The following EPHA8 variants were observed in gnomAD, a reference collection of about 807,000 sequenced individuals.
EPHA8 encodes EPH receptor A8.
EPHA8 carries 58 observed loss-of-function variants against 103.6 expected under a neutral mutation model. The ratio of observed to expected loss-of-function variants is 0.56; its 90% confidence interval spans 0.45 to 0.70. The LOEUF is 0.70. EPHA8 is among the 30% of genes least tolerant of loss of function. The probability of loss-of-function intolerance (pLI) is 0.00; values close to 1 mark genes in which losing one functional copy is unlikely to be tolerated. For missense variants in EPHA8, 1,304 were observed against 1,395.2 expected, an observed-to-expected ratio of 0.93 and a Z score of 1.04; for synonymous variants, 559 against 572.5, an observed-to-expected ratio of 0.98 and a Z score of 0.34.
chr1:22,593,568 C>G lies in EPHA8; in HGVS notation c.1485C>G (p.Thr495=). The change falls in exon 7 of 17, where the codon ACC becomes ACG. Residue 495 remains threonine (T), a synonymous_variant. Transcript: ENST00000166244. ...ACTCCACCCTCAAGGCCGTCACCACCAGAGCCACCGTCTCCGGCCTCAAGC... is the reference window on the plus strand; with the variant it reads ...ACTCCACCCTCAAGGCCGTCACCACGAGAGCCACCGTCTCCGGCCTCAAGC... The part of the protein sequence containing the change: ...QSYSTLKAVT[T]RATVSGLKPG... 6.2e-7 allele frequency: 1 copy of G among 1,612,520 alleles called. No individual in the cohort carries two copies. Among genetic ancestry groups the G allele is most frequent in the South Asian group, 1.1e-5 (1 of 90,978 alleles).
chr1:22,599,646 GGAAGGAAGGA>G (rs1165742218), intron 13 of EPHA8, among the ~76,000 whole-genome samples: 30 of 63,754 alleles, frequency 4.7e-4, no homozygotes, highest in Non-Finnish European at 6.8e-4. Flanking sequence ...AGGGAGGGAG[GGAAGGAAGGA>G]AAGGAGGGAG....
At chr1:22,579,403 C>T (rs1484032645) in intron 3 of EPHA8, among the ~76,000 whole-genome samples, 1 of 147,032 alleles carries the variant, frequency 6.8e-6, no homozygotes, top group Admixed American at 6.7e-5. Flanking sequence ...TGCATGTGTT[C>T]ATGAGTGTAT....
intron 3 of EPHA8, among the ~76,000 whole-genome samples, chr1:22,585,942 G>A (rs1641191106): frequency 1.3e-5 from 2 of 152,228 alleles, no homozygotes; most frequent in South Asian, 4.1e-4. Flanking sequence ...GCCTGTGTTT[G>A]GGAGCAATGG....
chr1:22,586,783 G>GGC (rs1553147213), intron 4 of EPHA8, 148 bp downstream of exon 4: 6 of 1,016,272 alleles, frequency 5.9e-6, no homozygotes, highest in Non-Finnish European at 8.5e-6. Flanking sequence ...TCTGAGGTGG[G>GGC]GGGGGTGACT....
At chr1:22,595,600 C>T (rs1294456764) in intron 8 of EPHA8, among the ~76,000 whole-genome samples, 1 of 152,192 alleles carries the variant, frequency 6.6e-6, no homozygotes, top group African/African-American at 2.4e-5. Context: ...CTGTCAAACT[C>T]AAGCCCATAC....
rs146856523 is a variant in EPHA8 at position 22,600,995 on chromosome 1, G to A, written c.2636G>A (p.Arg879Gln). The A allele has an allele frequency of 7.7e-4, 1,240 of 1,612,904 alleles. 25 individuals are homozygous for A. In the South Asian group the frequency reaches 0.011, roughly 14 times the overall value. Residue 879 changes from arginine to glutamine, a missense_variant, in exon 15 of 17, where the codon CGG becomes CAG. Physicochemically the swap from Arg to Gln is conservative, Grantham distance 43 (BLOSUM62 1). Coordinates refer to ENST00000166244, the MANE Select transcript of EPHA8 (RefSeq NM_020526.5). Reference protein sequence around the residue: ...QLMLDCWHKDRAQRPRFSQIV... With the variant: ...QLMLDCWHKDQAQRPRFSQIV... ...ATGCTCGACTGTTGGCACAAGGACC[G>A]GGCGCAGCGGCCTCGCTTCTCCCAG...
intron 13 of EPHA8, 109 bp downstream of exon 13, chr1:22,599,156 G>A (rs1048292546): frequency 8.0e-7 from 1 of 1,243,758 alleles, no homozygotes; most frequent in African/African-American, 1.5e-5. Flanking sequence ...GGCAGTTTCG[G>A]GGTGGCCCTC....
At chr1:22,600,860 A>G (rs768849200) in intron 14 of EPHA8, 38 bp from the exon 15 acceptor site, 22 of 1,589,098 alleles carry the variant, frequency 1.4e-5, no homozygotes, top group Non-Finnish European at 1.8e-5. Context: ...CTCAGGGTGC[A>G]GGGAGGGACG....
intron 1 of EPHA8, among the ~76,000 whole-genome samples, chr1:22,564,176 G>T (rs1350969512): frequency 6.7e-6 from 1 of 150,154 alleles, no homozygotes; most frequent in Non-Finnish European, 1.5e-5. Context: ...GGGGGAGGAG[G>T]TTCAGAGGGC....
chr1:22,590,851 AAAAC>A (rs1291860185), intron 5 of EPHA8, among the ~76,000 whole-genome samples: 1 of 152,128 alleles, frequency 6.6e-6, no homozygotes, highest in East Asian at 1.9e-4. Context: ...GGTTATGTGA[AAAAC>A]AAACAACCCT....
At chr1:22,578,076 T>C (rs930285418) in intron 3 of EPHA8, among the ~76,000 whole-genome samples, 2 of 29,182 alleles carry the variant, frequency 6.9e-5, no homozygotes, top group Non-Finnish European at 1.7e-4. Flanking sequence ...TGAGTATGTA[T>C]GCATGTGTGT....
rs1246509517 is a variant in EPHA8, at chr1:22,599,865, A to AAGGGAAGGAAGGAAGG, written c.2389-787_2389-786insAGGAAGGAGGGAAGGA. On this transcript the variant is annotated intron_variant, in intron 13 of 16. Transcript: ENST00000166244. ...AGGAGAGGAGGGGAGGGAAGGGAGG[A>AAGGGAAGGAAGGAAGG]AGGGAAGGAGGGAGGGAGTGGGGGA... 5.0e-3 allele frequency among the ~76,000 whole-genome samples: 273 copies of AAGGGAAGGAAGGAAGG among 54,124 alleles called. 11 individuals carry two copies. The highest frequency in any genetic ancestry group is 0.024 in the African/African-American group (249 of 10,254). 35.5% of individuals were successfully genotyped at this position (54,124 alleles called of 152,430 possible).
Position 22,589,342 on chromosome 1 carries a change from A to G in EPHA8, c.1315+136A>G, listed in dbSNP as rs1379680023. 3.1e-6 allele frequency: 5 copies of G among 1,598,886 alleles called. No individual in the cohort carries two copies. The African/African-American group carries it at 5.4e-5, about 17-fold the overall frequency. ...GTGCCTCTCTGGCCCTGCGCTCCTCACCAGGACCCAGAGCTGGAGGCTCTT... is the reference window on the plus strand; with the variant it reads ...GTGCCTCTCTGGCCCTGCGCTCCTCGCCAGGACCCAGAGCTGGAGGCTCTT... On this transcript the variant is annotated intron_variant, in intron 5 of 16. Coordinates refer to ENST00000166244, the MANE Select transcript of EPHA8 (RefSeq NM_020526.5). The surrounding 1 kb of genome is among the most constrained non-coding windows in gnomAD (Gnocchi z 4.3).
At chr1:22,570,509 A>T (rs1434203296) in intron 2 of EPHA8, among the ~76,000 whole-genome samples, 1 of 152,252 alleles carries the variant, frequency 6.6e-6, no homozygotes, top group Non-Finnish European at 1.5e-5. Flanking sequence ...AATAATATTA[A>T]TAATGATGAT....
intron 13 of EPHA8, among the ~76,000 whole-genome samples, chr1:22,599,616 AGGAAGAAG>A (rs1481891095): frequency 1.3e-4 from 15 of 115,120 alleles, no homozygotes; most frequent in African/African-American, 5.6e-4. Context: ...GGAGGGAGGG[AGGAAGAAG>A]GGAAGGAAGG....
At chr1:22,590,936 G>A (rs557867614) in intron 5 of EPHA8, among the ~76,000 whole-genome samples, 23 of 152,090 alleles carry the variant, frequency 1.5e-4, no homozygotes, top group Non-Finnish European at 2.8e-4. Flanking sequence ...TGACTCTCAT[G>A]CATGTCACAT....
intron 1 of EPHA8, among the ~76,000 whole-genome samples, chr1:22,566,836 G>A (rs911668860): frequency 2.0e-5 from 3 of 152,088 alleles, no homozygotes; most frequent in African/African-American, 4.8e-5. Context: ...GACACTCTGC[G>A]TTCTCACCCA....
At position 22,584,016 on chromosome 1, in the gene EPHA8, A is replaced by G. The variant is rs866592220; in HGVS notation, c.824-2464A>G. ...AGCTCAGTAAATGTTGGGGAAAGGA[A>G]TAAATGAGGGAGGGAAGAAGCAAAT... On this transcript the variant is annotated intron_variant, in intron 3 of 16. Coordinates refer to ENST00000166244, the MANE Select transcript of EPHA8 (RefSeq NM_020526.5). 4.6e-5 allele frequency among the ~76,000 whole-genome samples: 7 copies of G among 152,384 alleles called. No individual in the cohort carries two copies. The South Asian group carries it at 8.3e-4, about 18-fold the overall frequency.
At chr1:22,574,696 A>G (rs1640635355) in intron 2 of EPHA8, among the ~76,000 whole-genome samples, 1 of 152,264 alleles carries the variant, frequency 6.6e-6, no homozygotes, top group Non-Finnish European at 1.5e-5. Flanking sequence ...TCATTGACGT[A>G]CACTTGGGTT....
Sources: allele counts gnomAD v4.1 joint callset (sites outside exome capture counted in the v4.1 genomes callset), GRCh38; gene constraint gnomAD v4.1.1; non-coding constraint Gnocchi (gnomAD v3.1); transcripts MANE v1.5; gene names NCBI Gene and HGNC (gene_info 2026-07-23, HGNC 2026-07-21).